Variants in ESS2 observed in about 807,000 individuals in gnomAD.
ESS2 encodes the protein ess-2 spliceosome associated protein.
In ESS2, 31 loss-of-function variants were observed where a neutral mutation model predicts 52.0. The ratio of observed to expected loss-of-function variants is 0.60; its 90% CI spans 0.45 to 0.81. The LOEUF is 0.81. Among genes scored for constraint, ESS2 ranks in the 30% least tolerant of loss-of-function variants. The pLI, the probability that ESS2 is intolerant of heterozygous loss-of-function variation, is 0.00. For missense variants in ESS2, 602 were observed against 637.2 expected, an observed-to-expected ratio of 0.94 and a Z score of 0.59; for synonymous variants, 285 against 259.2, an observed-to-expected ratio of 1.10 and a Z score of -0.95.
intron 4 of ESS2, 23 bp downstream of exon 4, chr22:19,139,832 G>A (rs2083653084): frequency 1.2e-6 from 2 of 1,613,796 alleles, no homozygotes; most frequent in Middle Eastern, 1.6e-4. Flanking sequence ...ACGCCTATGT[G>A]ACACCCCAGA....
rs767667222 is a variant in ESS2, at chr22:19,132,188, C to G, written c.*2008G>C. Reference sequence around the variant, plus strand: ...CCGACGTCAGCCAGCGGCTCCACATCGATGAGATCCTCAGCCACTCGTGGC... The same window carrying G: ...CCGACGTCAGCCAGCGGCTCCACATGGATGAGATCCTCAGCCACTCGTGGC... On this transcript the variant is annotated 3_prime_UTR_variant, in exon 10 of 10. Transcript: ENST00000252137. This position sits in a 1 kb window ranked among gnomAD's most constrained non-coding sequence, Gnocchi z 4.2. 2 of 1,613,122 alleles carry G rather than the reference C, an allele frequency of 1.2e-6. No homozygotes were observed. Among genetic ancestry groups the G allele is most frequent in the Admixed American group, 3.3e-5 (2 of 59,996 alleles).
intron 6 of ESS2, among the ~76,000 whole-genome samples, chr22:19,138,651 A>C (rs1318549805): frequency 1.3e-5 from 2 of 151,926 alleles, no homozygotes; most frequent in African/African-American, 4.8e-5. Context: ...TGCTGATGAC[A>C]GGCAATGCTG....
At chr22:19,139,792 G>A in intron 4 of ESS2, 63 bp from the exon 5 acceptor site, 2 of 1,613,842 alleles carry the variant, frequency 1.2e-6, no homozygotes, top group Non-Finnish European at 1.7e-6. Flanking sequence ...CCATGGCCCT[G>A]GGGCTCCCCA....
chr22:19,139,935 G>A lies in ESS2; in HGVS notation c.490C>T (p.Gln164Ter). Residue 164 changes from glutamine to a stop codon, truncating the protein, a stop_gained, in exon 4 of 10, where the codon CAG becomes TAG. Coordinates refer to ENST00000252137, the MANE Select transcript of ESS2 (RefSeq NM_022719.3). LOFTEE classifies it high-confidence loss of function. The part of the protein sequence containing the change: ...RYTSEDNASF[Q>*]EIMEVAKERS... ...TCCTTGGCCACCTCCATGATCTCCT[G>A]GAAGGAGGCATTGTCCTCACTCGTG... 1.9e-6 allele frequency: 3 copies of A among 1,614,154 alleles called. No homozygotes were observed. Among genetic ancestry groups the A allele is most frequent in the Non-Finnish European group, 2.5e-6 (3 of 1,180,018 alleles).
Position 19,132,166 on chromosome 22 carries a change from A to T in ESS2, c.*2030T>A. On this transcript the variant is annotated 3_prime_UTR_variant, in exon 10 of 10. Transcript: ENST00000252137. This position sits in a 1 kb window ranked among gnomAD's most constrained non-coding sequence, Gnocchi z 4.2. ...CTCATCTACCGCATGCTGCAGCCCG[A>T]CGTCAGCCAGCGGCTCCACATCGAT... 6.2e-7 allele frequency: 1 copy of T among 1,613,132 alleles called. No individual in the cohort carries two copies. The highest frequency in any genetic ancestry group is 8.5e-7 in the Non-Finnish European group (1 of 1,179,304).
intron 7 of ESS2, 107 bp from the exon 8 acceptor site, chr22:19,137,539 A>C (rs977214714): frequency 5.0e-5 from 49 of 983,912 alleles, no homozygotes; most frequent in Non-Finnish European, 7.3e-5. Flanking sequence ...ATACGAAGGC[A>C]GGCAGCTAGC....
In ESS2 at chr22:19,142,610, T is replaced by G; in HGVS notation, c.328A>C (p.Thr110Pro). 1 of 1,613,150 alleles carries G rather than the reference T, an allele frequency of 6.2e-7. No homozygotes were observed. The highest frequency in any genetic ancestry group is 8.5e-7 in the Non-Finnish European group (1 of 1,179,694). Reference sequence around the variant, plus strand: ...CCAGTGCCTGCATGCACCTCAGGGGTTTCAAATGTGGCTGGAGTCACATCT... The same window carrying G: ...CCAGTGCCTGCATGCACCTCAGGGGGTTCAAATGTGGCTGGAGTCACATCT... ...PPYVTPATFE[T>P]PEVHAGTGVV... The change falls in exon 3 of 10, where the codon ACC (threonine) becomes CCC (proline). Residue 110 changes from threonine to proline, a missense_variant. By Grantham distance (38) the Thr-to-Pro change is conservative (BLOSUM62 -1). Transcript: ENST00000252137.
chr22:19,138,475 G>A (rs995097274), intron 6 of ESS2, 158 bp from the exon 7 acceptor site: 13 of 776,496 alleles, frequency 1.7e-5, no homozygotes, highest in Admixed American at 1.4e-4. Flanking sequence ...AGAGAGGGAG[G>A]GCCCCTGCCC....
At chr22:19,137,263 C>A in intron 8 of ESS2, 60 bp downstream of exon 8, 1 of 1,301,844 alleles carries the variant, frequency 7.7e-7, no homozygotes, top group South Asian at 1.3e-5. Flanking sequence ...GCCACAGGCA[C>A]TCAGGGCTCC....
At chr22:19,135,331 C>A (rs983988734) in intron 8 of ESS2, among the ~76,000 whole-genome samples, 156 bp from the exon 9 acceptor site, 7 of 152,246 alleles carry the variant, frequency 4.6e-5, no homozygotes, top group African/African-American at 1.4e-4. Flanking sequence ...CTGGAAAGCC[C>A]CAAACCCCAC....
intron 3 of ESS2, among the ~76,000 whole-genome samples, chr22:19,141,331 A>G (rs1055535479): frequency 1.3e-5 from 2 of 152,342 alleles, no homozygotes; most frequent in East Asian, 3.9e-4. Context: ...CTACAAACTG[A>G]TAAGAAAGAG....
chr22:19,132,278 C>T lies in ESS2; in HGVS notation c.*1918G>A, dbSNP rs1284154624. 1 of 1,613,518 alleles carries T rather than the reference C, an allele frequency of 6.2e-7. No homozygotes were observed. Among genetic ancestry groups the T allele is most frequent in the Admixed American group, 1.7e-5 (1 of 60,020 alleles). ...TCAAGAGGGAGGGGGAGGGCAAGTACCGCGCTGAGTGCAAACTGGACACCA... is the reference window on the plus strand; with the variant it reads ...TCAAGAGGGAGGGGGAGGGCAAGTATCGCGCTGAGTGCAAACTGGACACCA... On this transcript the variant is annotated 3_prime_UTR_variant, in exon 10 of 10. Transcript: ENST00000252137. This position sits in a 1 kb window ranked among gnomAD's most constrained non-coding sequence, Gnocchi z 4.2.
chr22:19,141,796 G>A (rs1331989470), intron 3 of ESS2, among the ~76,000 whole-genome samples: 2 of 152,066 alleles, frequency 1.3e-5, no homozygotes, highest in Admixed American at 6.6e-5. Context: ...AAGACTAGCC[G>A]GGACAACATG....
chr22:19,141,606 G>A (rs115834336), intron 3 of ESS2, among the ~76,000 whole-genome samples: 4 of 152,346 alleles, frequency 2.6e-5, no homozygotes, highest in African/African-American at 9.6e-5. Context: ...CCAACACGGA[G>A]CATACAGATG....
intron 3 of ESS2, among the ~76,000 whole-genome samples, chr22:19,141,040 G>A (rs903884238): frequency 6.6e-6 from 1 of 151,850 alleles, no homozygotes; most frequent in African/African-American, 2.4e-5. Flanking sequence ...CTAGCACTTC[G>A]GGAGGCCAAG....
chr22:19,137,158 C>T (rs543405352), intron 8 of ESS2, among the ~76,000 whole-genome samples, 165 bp downstream of exon 8: 140 of 152,256 alleles, frequency 9.2e-4, no homozygotes, highest in African/African-American at 3.3e-3. Flanking sequence ...GTGACAGGTC[C>T]ACCCACCCAC....
At position 19,139,021 on chromosome 22, in the gene ESS2, A is replaced by G. The variant is rs2083635232; in HGVS notation, c.822+138T>C. 7 of 1,212,090 alleles carry G rather than the reference A, an allele frequency of 5.8e-6. No individual in the cohort carries two copies. The South Asian group carries it at 6.3e-5, about 11-fold the overall frequency. 75.1% of individuals were successfully genotyped at this position (1,212,090 alleles called of 1,614,324 possible). Reference sequence around the variant, plus strand: ...GCCCACTGGGGCCAAGGAAAGACTCAGGATCCTGCCGCACAGGGCCCCAGA... The same window carrying G: ...GCCCACTGGGGCCAAGGAAAGACTCGGGATCCTGCCGCACAGGGCCCCAGA... On this transcript the variant is annotated intron_variant, in intron 6 of 9. Coordinates refer to ENST00000252137, the MANE Select transcript of ESS2 (RefSeq NM_022719.3).
chr22:19,130,612 A>G lies in ESS2; in HGVS notation c.*3584T>C. The G allele has an allele frequency of 2.6e-6, 1 of 379,812 alleles. No homozygotes were observed. The highest frequency in any genetic ancestry group is 5.0e-6 in the Non-Finnish European group (1 of 198,444). The allele number at this position is 379,812 out of a possible 1,614,324, so 23.5% of individuals were successfully genotyped here. A position where few individuals can be genotyped will look rare whatever the true frequency, so the allele number is the denominator to read the frequency against. ...CTTAGACTATCCAATTGATCTATTCAAACAGCTGCCTGTTCCCTTAACTTG... is the reference window on the plus strand; with the variant it reads ...CTTAGACTATCCAATTGATCTATTCGAACAGCTGCCTGTTCCCTTAACTTG... On this transcript the variant is annotated 3_prime_UTR_variant, in exon 10 of 10. Coordinates refer to ENST00000252137, the MANE Select transcript of ESS2 (RefSeq NM_022719.3).
intron 8 of ESS2, among the ~76,000 whole-genome samples, chr22:19,136,078 G>A (rs947009532): frequency 2.1e-5 from 3 of 144,198 alleles, no homozygotes; most frequent in Non-Finnish European, 3.0e-5. Context: ...AGTGGCTCAC[G>A]CCTGTAATCC....
Sources: gnomAD v4.1 joint callset for allele counts (sites outside exome capture counted in the v4.1 genomes callset) on GRCh38, gnomAD v4.1.1 for gene constraint, Gnocchi (gnomAD v3.1) non-coding constraint, MANE v1.5 for transcripts, NCBI Gene and HGNC (gene_info 2026-07-23, HGNC 2026-07-21) for gene names.